The following EOLA1 variants were observed in gnomAD, a reference collection of about 807,000 sequenced individuals.
EOLA1 encodes endothelium and lymphocyte associated ASCH domain 1.
EOLA1 carries 1 observed loss-of-function variant against 4.5 expected under a neutral mutation model. The observed-to-expected ratio is 0.22, with a 90% confidence interval of 0.08 to 1.05. The LOEUF (loss-of-function observed/expected upper bound fraction) is 1.05. EOLA1 is among the 50% of genes least tolerant of loss of function. The pLI, the probability that EOLA1 is intolerant of heterozygous loss-of-function variation, is 0.57. For synonymous variants in EOLA1, 37 were observed against 52.3 expected (o/e 0.71, Z 1.26); for missense variants, 69 against 127.2 (o/e 0.54, Z 2.20).
intron 2 of EOLA1, among the ~76,000 whole-genome samples, chrX:149,542,355 A>G (rs1323039845): frequency 1.8e-5 from 2 of 110,060 alleles, no homozygotes; most frequent in African/African-American, 6.7e-5. Flanking sequence ...CATCAGAAGA[A>G]TAATCATGCT....
In EOLA1 at chrX:149,545,750, C is replaced by G; in HGVS notation, c.120C>G (p.Ala40=). The G allele has an allele frequency of 8.3e-7, 1 of 1,212,109 alleles. No individual in the cohort carries two copies. The highest frequency in any genetic ancestry group is 1.1e-6 in the Non-Finnish European group (1 of 895,479). Residue 40 remains alanine (A), a synonymous_variant, in exon 4 of 5, where the codon GCC becomes GCG. Transcript: ENST00000393985. ...GCAGCCAGCGGAACTGTACCATCGC[C>G]GTCCACATTGCTCACAGGGACTGGG... ...LLSSQRNCTI[A]VHIAHRDWEG...
At chrX:149,554,478 G>GT (rs1485562719), downstream of EOLA1, among the ~76,000 whole-genome samples, 1 of 104,505 alleles carries the variant, frequency 9.6e-6, no homozygotes, top group Non-Finnish European at 1.9e-5. Context: ...CTGCTAGTCT[G>GT]TGTCATTTAC....
At chrX:149,548,395 C>T (rs1236713092), downstream of EOLA1, 1 of 932,196 alleles carries the variant, frequency 1.1e-6, no homozygotes, top group Non-Finnish European at 1.3e-6. Flanking sequence ...AGCCTTCCTA[C>T]TCCTCCTCAT....
In EOLA1 at chrX:149,546,924, A is replaced by T; in HGVS notation, c.439A>T (p.Ile147Phe). 5 of 1,208,584 alleles carry T rather than the reference A, an allele frequency of 4.1e-6. No individual in the cohort carries two copies. Among genetic ancestry groups the T allele is most frequent in the Non-Finnish European group, 5.6e-6 (5 of 893,963 alleles). ...KGGKDVFQVD[I>F]PEHLIPLGHE... Reference sequence around the variant, plus strand: ...AGGCAAGGATGTATTCCAGGTAGACATCCCAGAGCACCTGATCCCTTTGGG... The same window carrying T: ...AGGCAAGGATGTATTCCAGGTAGACTTCCCAGAGCACCTGATCCCTTTGGG... Residue 147 changes from isoleucine to phenylalanine, a missense_variant, in exon 5 of 5, where the codon ATC becomes TTC. By Grantham distance (21) the Ile-to-Phe change is conservative. Transcript: ENST00000393985.
rs2089837473 is a variant in EOLA1 at position 149,546,013 on chromosome X, C to T, written c.253+130C>T. 9.8e-6 allele frequency: 8 copies of T among 813,927 alleles called. No homozygotes were observed. In the South Asian group the frequency reaches 1.4e-4, roughly 14 times the overall value. The allele number at this position is 813,927 out of a possible 1,213,427, so 67.1% of individuals were successfully genotyped here. On this transcript the variant is annotated intron_variant, in intron 4 of 4. Coordinates refer to ENST00000393985, the MANE Select transcript of EOLA1 (RefSeq NM_001171907.3). ...TATAACACAGTTTCCTTTGGCAACA[C>T]ACCTTCAAAGGGGCGGCAAGGACCT...
Position 149,544,671 on chromosome X carries a change from A to G in EOLA1, c.-162-697A>G, listed in dbSNP as rs611179. The stretch of plus-strand genomic sequence containing the variant: ...CTTCCAAGGCACAGGGCCGTCCTCC[A>G]TGCAAGAGGAGGGGACCCTCTCCCA... On this transcript the variant is annotated intron_variant, in intron 2 of 4. Coordinates refer to ENST00000393985, the MANE Select transcript of EOLA1 (RefSeq NM_001171907.3). The G allele has an allele frequency of 3.9e-4, 291 of 751,020 alleles. 1 individual carries two copies. In the South Asian group the frequency reaches 5.0e-3, roughly 13 times the overall value. 61.9% of individuals were successfully genotyped at this position (751,020 alleles called of 1,213,427 possible).
rs1265643112 is a variant in EOLA1, at chrX:149,546,796, T to C, written c.311T>C (p.Val104Ala). The C allele has an allele frequency of 4.1e-6, 5 of 1,210,889 alleles. No homozygotes were observed. The highest frequency in any genetic ancestry group is 5.6e-6 in the Non-Finnish European group (5 of 895,157). Residue 104 changes from valine to alanine, a missense_variant, in exon 5 of 5, where the codon GTT (valine) becomes GCT (alanine). Val to Ala is a moderately conservative substitution (Grantham distance 64). Transcript: ENST00000393985. ...QCPEDLTPDE[V>A]VELENQAVLT... ...CCCGAAGACTTAACTCCCGATGAGG[T>C]TGTGGAACTAGAAAATCAAGCTGTA...
At chrX:149,542,991 CATG>C (rs1268239856) in intron 2 of EOLA1, among the ~76,000 whole-genome samples, 1 of 63,553 alleles carries the variant, frequency 1.6e-5, no homozygotes, top group Non-Finnish European at 2.9e-5. Context: ...TTTATCTTCT[CATG>C]GTGTTCTCCC....
chrX:149,544,894 G>T lies in EOLA1; in HGVS notation c.-162-474G>T, dbSNP rs183576491. ...GGCACGTGGAAGGCATGTGTGTGGG[G>T]TTGCTAGTTGTTCTGATTATCATTC... On this transcript the variant is annotated intron_variant, in intron 2 of 4. Transcript: ENST00000393985. 5.0e-4 allele frequency: 378 copies of T among 752,171 alleles called. 11 individuals carry two copies. In the Admixed American group the frequency reaches 0.032, roughly 64 times the overall value. 62.0% of individuals were successfully genotyped at this position (752,171 alleles called of 1,213,427 possible). A position where few individuals can be genotyped will look rare whatever the true frequency, so the allele number is the denominator to read the frequency against.
chrX:149,547,027 C>G lies in EOLA1; in HGVS notation c.*65C>G, dbSNP rs2089863689. On this transcript the variant is annotated 3_prime_UTR_variant, in exon 5 of 5. Coordinates refer to ENST00000393985, the MANE Select transcript of EOLA1 (RefSeq NM_001171907.3). ...GCTAAATCATGACACCTTCAATTTGCCATCATGACGCAGACCTGTATACAT... is the reference window on the plus strand; with the variant it reads ...GCTAAATCATGACACCTTCAATTTGGCATCATGACGCAGACCTGTATACAT... 8.3e-7 allele frequency: 1 copy of G among 1,200,492 alleles called. No homozygotes were observed. The highest frequency in any genetic ancestry group is 1.1e-6 in the Non-Finnish European group (1 of 889,955).
chrX:149,548,190 A>T lies in EOLA1; in HGVS notation c.*1228A>T, dbSNP rs1187730984. The T allele has an allele frequency of 2.1e-5, 8 of 378,061 alleles. No homozygotes were observed. The highest frequency in any genetic ancestry group is 2.8e-5 in the Non-Finnish European group (7 of 252,893). 31.2% of individuals were successfully genotyped at this position (378,061 alleles called of 1,213,427 possible). A position where few individuals can be genotyped will look rare whatever the true frequency, so the allele number is the denominator to read the frequency against. ...TGAGATGTATATAATATACAAGGTT[A>T]AAAAAAACACAGACAACAGTTCTCA... On this transcript the variant is annotated 3_prime_UTR_variant, in exon 5 of 5. Transcript: ENST00000393985.
At chrX:149,553,872 G>GAA (rs2089914154), downstream of EOLA1, among the ~76,000 whole-genome samples, 1 of 103,557 alleles carries the variant, frequency 9.7e-6, no homozygotes, top group Non-Finnish European at 1.9e-5. Context: ...TCCTAAAAGA[G>GAA]AAAACACCAG....
At chrX:149,545,531 C>A (rs1315280606) in intron 3 of EOLA1, 31 bp downstream of exon 3, 2 of 1,156,332 alleles carry the variant, frequency 1.7e-6, no homozygotes, top group African/African-American at 3.6e-5. Flanking sequence ...CTGAGAGACA[C>A]GGGGGGAAGG....
rs1203510115 is a variant in EOLA1 at position 149,545,585 on chromosome X, C to T, written c.-29-17C>T. The T allele has an allele frequency of 8.4e-7, 1 of 1,192,265 alleles. No homozygotes were observed. The highest frequency in any genetic ancestry group is 1.7e-5 in the African/African-American group (1 of 57,713). On this transcript the variant is annotated splice_polypyrimidine_tract_variant and intron_variant, in intron 3 of 4. Coordinates refer to ENST00000393985, the MANE Select transcript of EOLA1 (RefSeq NM_001171907.3). ...GCTTGGAGGGCTGGCGTGTGATGCG[C>T]TTCTGTGCTTCCGCAGGCTACGGGA... is the stretch of plus-strand genomic sequence containing the variant.
chrX:149,542,410 G>A (rs1375855326), intron 2 of EOLA1, among the ~76,000 whole-genome samples: 2 of 108,744 alleles, frequency 1.8e-5, no homozygotes, highest in Admixed American at 9.8e-5. Context: ...GGATGGGTTG[G>A]TGGAGGGTAC....
At position 149,547,110 on chromosome X, in the gene EOLA1, T is replaced by A. The variant is rs782478724; in HGVS notation, c.*148T>A. ...AGTCCCACCCACTAAGCACTGTGCA[T>A]GTAAACAGGTTCCTTTGCTCAGATG... is the stretch of plus-strand genomic sequence containing the variant. On this transcript the variant is annotated 3_prime_UTR_variant, in exon 5 of 5. Transcript: ENST00000393985. The A allele has an allele frequency of 9.2e-7, 1 of 1,086,117 alleles. No homozygotes were observed. The highest frequency in any genetic ancestry group is 3.8e-5 in the Admixed American group (1 of 26,100). The allele number at this position is 1,086,117 out of a possible 1,213,427, so 89.5% of individuals were successfully genotyped here.
intron 1 of EOLA1, 38 bp from the exon 2 acceptor site, chrX:149,541,981 C>G (rs2089738526): frequency 1.4e-6 from 1 of 716,345 alleles, no homozygotes; most frequent in Admixed American, 8.5e-5. Context: ...CTGTCTTGCA[C>G]TTAATGACCT....
rs1164093474 is a variant in EOLA1 at position 149,546,901 on chromosome X, G to T, written c.416G>T (p.Gly139Val). Residue 139 changes from glycine (G) to valine (V), a missense_variant, in exon 5 of 5, where the codon GGC (glycine) becomes GTC (valine). By Grantham distance (109) the Gly-to-Val change is moderately radical. Coordinates refer to ENST00000393985, the MANE Select transcript of EOLA1 (RefSeq NM_001171907.3). ...CTGGAGCCCATACCTAGGAAAGGAG[G>T]CAAGGATGTATTCCAGGTAGACATC... ...WLLEPIPRKG[G>V]KDVFQVDIPE... 2.5e-6 allele frequency: 3 copies of T among 1,206,098 alleles called. No individual in the cohort carries two copies. Among genetic ancestry groups the T allele is most frequent in the East Asian group, 3.0e-5 (1 of 33,606 alleles).
chrX:149,544,271 T>G (rs1435549029), intron 2 of EOLA1, among the ~76,000 whole-genome samples: 2 of 66,954 alleles, frequency 3.0e-5, no homozygotes, highest in Non-Finnish European at 5.5e-5. Context: ...AAGCAGGAGA[T>G]CTGGAGCTCA....
Sources: gnomAD v4.1 joint callset for allele counts (sites outside exome capture counted in the v4.1 genomes callset) on GRCh38, gnomAD v4.1.1 for gene constraint, MANE v1.5 for transcripts, NCBI Gene and HGNC (gene_info 2026-07-23, HGNC 2026-07-21) for gene names.